Variants in GALNT17 observed in about 807,000 individuals in gnomAD.
The protein encoded by GALNT17 is UDP-GalNAc:polypeptide N-acetylgalactosaminyltransferase-like 3.
GALNT17 carries 29 observed loss-of-function variants against 63.7 expected under a neutral mutation model. The ratio of observed to expected loss-of-function variants is 0.46; its 90% CI spans 0.34 to 0.62. The LOEUF is 0.62. Among genes scored for constraint, GALNT17 ranks in the 20% least tolerant of loss-of-function variants. The pLI, the probability that GALNT17 is intolerant of heterozygous loss-of-function variation, is 0.01. For missense variants in GALNT17, 603 were observed against 799.6 expected (o/e 0.75, Z 2.97); for synonymous variants, 305 against 318.3 (o/e 0.96, Z 0.45).
chr7:71,352,283 G>A (rs556994586), intron 2 of GALNT17, among the ~76,000 whole-genome samples: 8 of 152,290 alleles, frequency 5.3e-5, no homozygotes, highest in African/African-American at 1.9e-4. Flanking sequence ...CCCCAGCCAT[G>A]TGGAGCTGTG....
intron 2 of GALNT17, among the ~76,000 whole-genome samples, chr7:71,377,102 AAAAAT>A (rs1206945451): frequency 4.9e-5 from 2 of 40,422 alleles, no homozygotes; most frequent in African/African-American, 1.8e-4. Context: ...AAAAAAAAAT[AAAAAT>A]AAAAAAAATA....
At chr7:71,548,502 A>G (rs1218958245) in intron 5 of GALNT17, among the ~76,000 whole-genome samples, 1 of 152,182 alleles carries the variant, frequency 6.6e-6, no homozygotes, top group Admixed American at 6.5e-5. Flanking sequence ...TAATTGAATC[A>G]TGGTGGTAGG....
At chr7:71,572,493 C>A in intron 6 of GALNT17, among the ~76,000 whole-genome samples, 1 of 117,212 alleles carries the variant, frequency 8.5e-6, no homozygotes. Context: ...CAGAGCAAGA[C>A]CCTGTCTCAT....
chr7:71,711,138 G>C (rs1174953739), intron 10 of GALNT17, among the ~76,000 whole-genome samples: 1 of 152,100 alleles, frequency 6.6e-6, no homozygotes, highest in Non-Finnish European at 1.5e-5. Flanking sequence ...TCCTATGTCA[G>C]TGCTAGGCTG....
chr7:71,650,975 G>A (rs191512620), intron 6 of GALNT17, among the ~76,000 whole-genome samples: 4 of 152,236 alleles, frequency 2.6e-5, no homozygotes, highest in Admixed American at 6.5e-5. Flanking sequence ...AGATAGCACT[G>A]GATTGAATAA....
intron 2 of GALNT17, among the ~76,000 whole-genome samples, chr7:71,353,290 G>A (rs1792221926): frequency 2.0e-5 from 3 of 152,102 alleles, no homozygotes; most frequent in African/African-American, 4.8e-5. Flanking sequence ...AATCATTTGA[G>A]TGTGAGTTGC....
At chr7:71,707,011 C>T (rs529666666) in intron 9 of GALNT17, among the ~76,000 whole-genome samples, 5 of 152,288 alleles carry the variant, frequency 3.3e-5, no homozygotes, top group Non-Finnish European at 4.4e-5. Flanking sequence ...CAAAAGAAAG[C>T]GGCCAGCACC....
chr7:71,546,512 T>A (rs569816925), intron 5 of GALNT17, among the ~76,000 whole-genome samples: 4 of 152,134 alleles, frequency 2.6e-5, no homozygotes, highest in African/African-American at 9.7e-5. Flanking sequence ...CAGGTTTCCT[T>A]GTGATTTATG....
chr7:71,611,789 C>T (rs1014883580), intron 6 of GALNT17, among the ~76,000 whole-genome samples: 7 of 151,854 alleles, frequency 4.6e-5, no homozygotes, highest in Non-Finnish European at 7.4e-5. Context: ...ACCTCGGATG[C>T]CCTGATGTTG....
intron 1 of GALNT17, among the ~76,000 whole-genome samples, chr7:71,154,333 C>G (rs1788191158): frequency 6.6e-6 from 1 of 152,194 alleles, no homozygotes; most frequent in South Asian, 2.1e-4. Flanking sequence ...CTCCATCTTT[C>G]CAGCCTCCCC....
rs59368494 is a variant in GALNT17 at position 71,449,108 on chromosome 7, CTTT to C, written c.962+28023_962+28025del. Among the ~76,000 whole-genome samples the C allele has an allele frequency of 3.8e-3, 278 of 72,742 alleles. 4 individuals carry two copies. The highest frequency in any genetic ancestry group is 0.014 in the African/African-American group (250 of 17,396). The allele number at this position is 72,742 out of a possible 152,430, so 47.7% of individuals were successfully genotyped here. ...ATTAGAAATAACAGCTGCCTATTTT[CTTT>C]TTTTTTTTTTTTTTTTTTTGAGGCA... On this transcript the variant is annotated intron_variant, in intron 5 of 10. Coordinates refer to ENST00000333538, the MANE Select transcript of GALNT17 (RefSeq NM_022479.3).
intron 5 of GALNT17, among the ~76,000 whole-genome samples, chr7:71,486,362 A>G (rs1377287644): frequency 7.3e-6 from 1 of 136,614 alleles, no homozygotes; most frequent in Non-Finnish European, 1.5e-5. Flanking sequence ...TAATAATAAT[A>G]ATAATAATAA....
chr7:71,137,157 T>TTTTG (rs1787799480), intron 1 of GALNT17, among the ~76,000 whole-genome samples: 1 of 146,830 alleles, frequency 6.8e-6, no homozygotes, highest in African/African-American at 2.5e-5. Context: ...TTTTTTTTTT[T>TTTTG]GAGACAGAGT....
chr7:71,339,085 A>AT (rs1021498601), intron 2 of GALNT17, among the ~76,000 whole-genome samples: 1 of 152,074 alleles, frequency 6.6e-6, no homozygotes, highest in African/African-American at 2.4e-5. Flanking sequence ...ACATGGCCCT[A>AT]TTTTTTTGTA....
intron 6 of GALNT17, among the ~76,000 whole-genome samples, chr7:71,645,203 C>T (rs1353502246): frequency 6.6e-6 from 1 of 152,214 alleles, no homozygotes; most frequent in Admixed American, 6.5e-5. Context: ...CAACTTTCTC[C>T]AGGTGTTATC....
At chr7:71,695,318 A>G (rs1345975925) in intron 9 of GALNT17, among the ~76,000 whole-genome samples, 2 of 152,172 alleles carry the variant, frequency 1.3e-5, no homozygotes, top group African/African-American at 4.8e-5. Context: ...ACAAAGATGT[A>G]TCCCCATTCA....
At chr7:71,583,569 T>C (rs897190226) in intron 6 of GALNT17, among the ~76,000 whole-genome samples, 2 of 152,184 alleles carry the variant, frequency 1.3e-5, no homozygotes, top group African/African-American at 2.4e-5. Flanking sequence ...CGAAGTTTTA[T>C]TGGACATGGA....
At chr7:71,280,382 G>C (rs761749316) in intron 1 of GALNT17, among the ~76,000 whole-genome samples, 66 of 152,264 alleles carry the variant, frequency 4.3e-4, no homozygotes, top group Non-Finnish European at 6.6e-4. Flanking sequence ...TGGCTCATTT[G>C]TGGCATAGGG....
At chr7:71,353,328 A>G (rs1792222424) in intron 2 of GALNT17, among the ~76,000 whole-genome samples, 1 of 152,140 alleles carries the variant, frequency 6.6e-6, no homozygotes, top group Admixed American at 6.6e-5. Flanking sequence ...GTCTCTGAAT[A>G]CTTCAGTGTG....
Sources: allele counts gnomAD v4.1 joint callset (sites outside exome capture counted in the v4.1 genomes callset), GRCh38; gene constraint gnomAD v4.1.1; transcripts MANE v1.5; gene names NCBI Gene and HGNC (gene_info 2026-07-23, HGNC 2026-07-21).